Variants in STK32B observed in about 807,000 individuals in gnomAD.
STK32B encodes serine/threonine kinase 32B, also known as serine/threonine-protein kinase 32B.
A neutral mutation model predicts 52.6 loss-of-function variants in STK32B; 43 were observed. The observed-to-expected ratio is 0.82, with a 90% CI of 0.64 to 1.05. The LOEUF (loss-of-function observed/expected upper bound fraction) is 1.05, where lower values mean the gene tolerates loss of function less well. STK32B is among the 50% of genes least tolerant of loss of function. The pLI, the probability that STK32B is intolerant of heterozygous loss-of-function variation, is 0.00. For synonymous variants in STK32B, 238 were observed against 204.3 expected (o/e 1.17, Z -1.41); for missense variants, 621 against 534.6 (o/e 1.16, Z -1.59).
intron 4 of STK32B, among the ~76,000 whole-genome samples, chr4:5,334,034 G>A (rs1444799829): frequency 1.3e-5 from 2 of 152,136 alleles, no homozygotes; most frequent in African/African-American, 4.8e-5. Flanking sequence ...GTAGCTTGAT[G>A]GGGATGGCAT....
intron 3 of STK32B, among the ~76,000 whole-genome samples, chr4:5,271,562 G>T (rs1013282570): frequency 1.3e-5 from 2 of 148,626 alleles, no homozygotes; most frequent in Non-Finnish European, 2.9e-5. Context: ...TAGCTTGATG[G>T]GGATGGCATT....
At chr4:5,175,115 C>T (rs186698033) in intron 3 of STK32B, among the ~76,000 whole-genome samples, 181 of 152,314 alleles carry the variant, frequency 1.2e-3, no homozygotes, top group African/African-American at 3.6e-3. Context: ...CTTGTGCATT[C>T]GTCACGTAGT....
Position 5,500,100 on chromosome 4 carries a change from A to C in STK32B, c.*1017A>C, listed in dbSNP as rs768975425. On this transcript the variant is annotated 3_prime_UTR_variant, in exon 12 of 12. Transcript: ENST00000282908. Reference sequence around the variant, plus strand: ...AATGGGTTCACACAAAAAGCAAACTACATTCTGGTCTGCTCAGGGAGAAGC... The same window carrying C: ...AATGGGTTCACACAAAAAGCAAACTCCATTCTGGTCTGCTCAGGGAGAAGC... The C allele has an allele frequency of 2.0e-5, 3 of 152,192 alleles. No individual in the cohort carries two copies. The highest frequency in any genetic ancestry group is 6.5e-5 in the Admixed American group (1 of 15,274). 9.4% of individuals were successfully genotyped at this position (152,192 alleles called of 1,614,324 possible). A position where few individuals can be genotyped will look rare whatever the true frequency, so the allele number is the denominator to read the frequency against.
upstream of STK32B, among the ~76,000 whole-genome samples, chr4:5,048,516 C>T (rs1035296457): frequency 4.6e-5 from 7 of 152,104 alleles, no homozygotes; most frequent in African/African-American, 1.2e-4. Context: ...AAGCTGGTCT[C>T]GAACTCCTGA....
At chr4:5,126,999 A>G (rs17882862) in intron 1 of STK32B, 102,347 of 442,484 alleles carry the variant, frequency 0.23, 12,776 homozygotes, top group Non-Finnish European at 0.26. Context: ...CCTTTTGCAC[A>G]GATGACAGCA....
chr4:5,310,954 C>T (rs1194263511), intron 3 of STK32B, among the ~76,000 whole-genome samples: 2 of 152,170 alleles, frequency 1.3e-5, no homozygotes, highest in African/African-American at 4.8e-5. Context: ...GAAAATGTCA[C>T]ATATTCTCAC....
rs141474826 is a variant in STK32B, at chr4:5,332,583, T to C, written c.434+1190T>C. ...CATATGTATACATGTGCCATGCTGG[T>C]GTGCTGCACCCAATAACTCGTCATT... On this transcript the variant is annotated intron_variant, in intron 4 of 11. Coordinates refer to ENST00000282908, the MANE Select transcript of STK32B (RefSeq NM_018401.3). Among the ~76,000 whole-genome samples, 1,223 of 152,280 alleles carry C rather than the reference T, an allele frequency of 8.0e-3. 12 individuals carry two copies. The highest frequency in any genetic ancestry group is 0.028 in the African/African-American group (1,175 of 41,544).
chr4:5,217,951 T>C (rs955230735), intron 3 of STK32B, among the ~76,000 whole-genome samples: 2 of 152,238 alleles, frequency 1.3e-5, no homozygotes, highest in Non-Finnish European at 2.9e-5. Context: ...ATGAAAATTA[T>C]ACATAGAAGG....
At chr4:5,252,005 A>T (rs1319716652) in intron 3 of STK32B, among the ~76,000 whole-genome samples, 1 of 152,194 alleles carries the variant, frequency 6.6e-6, no homozygotes. Context: ...TTTAAGGATT[A>T]TGTTAAGAAG....
At chr4:5,382,430 C>A (rs912902183) in intron 4 of STK32B, among the ~76,000 whole-genome samples, 6 of 152,112 alleles carry the variant, frequency 3.9e-5, no homozygotes, top group African/African-American at 1.4e-4. Flanking sequence ...GCCACAATGT[C>A]GCCTTGGGGT....
chr4:5,497,646 G>T (rs1224729193), intron 11 of STK32B, among the ~76,000 whole-genome samples: 2 of 152,194 alleles, frequency 1.3e-5, no homozygotes, highest in Admixed American at 6.5e-5. Flanking sequence ...TGGTATTTCA[G>T]TGTTATCTGA....
At position 5,500,411 on chromosome 4, in the gene STK32B, T is replaced by G. The variant is rs1021036135; in HGVS notation, c.*1328T>G. The G allele has an allele frequency of 1.3e-5, 2 of 152,326 alleles. No individual in the cohort carries two copies. Among genetic ancestry groups the G allele is most frequent in the Middle Eastern group, 3.4e-3 (1 of 294 alleles). 9.4% of individuals were successfully genotyped at this position (152,326 alleles called of 1,614,324 possible). ...ATAATCGTCATCATTATTTAGATAC[T>G]TTCTTCCTTCACTCACCCAGCAGGT... On this transcript the variant is annotated 3_prime_UTR_variant, in exon 12 of 12. Coordinates refer to ENST00000282908, the MANE Select transcript of STK32B (RefSeq NM_018401.3).
chr4:5,364,360 G>A (rs562144309), intron 4 of STK32B, among the ~76,000 whole-genome samples: 1 of 152,334 alleles, frequency 6.6e-6, no homozygotes, highest in Non-Finnish European at 1.5e-5. Flanking sequence ...AGAGAGAAGG[G>A]GAAAGAGACA....
At chr4:5,127,062 A>G in intron 1 of STK32B, 1 of 500,298 alleles carries the variant, frequency 2.0e-6, no homozygotes, top group Non-Finnish European at 4.0e-6. Flanking sequence ...TGCCATGGAC[A>G]TTGGTGCTGC....
chr4:5,236,191 G>T (rs1453156321), intron 3 of STK32B, among the ~76,000 whole-genome samples: 1 of 152,088 alleles, frequency 6.6e-6, no homozygotes, highest in Non-Finnish European at 1.5e-5. Flanking sequence ...TGAGCTCCAT[G>T]TGTCTCCCAG....
intron 4 of STK32B, among the ~76,000 whole-genome samples, chr4:5,366,492 G>T (rs974443880): frequency 6.6e-6 from 1 of 152,222 alleles, no homozygotes; most frequent in Non-Finnish European, 1.5e-5. Flanking sequence ...GTTGCTGACA[G>T]TGGAGATGAG....
chr4:5,136,134 C>T (rs889228468), intron 1 of STK32B, among the ~76,000 whole-genome samples: 3 of 152,192 alleles, frequency 2.0e-5, no homozygotes, highest in African/African-American at 7.2e-5. Context: ...GATTATCATT[C>T]ATTGCCTGGG....
chr4:5,330,934 C>T (rs139083144), intron 3 of STK32B, among the ~76,000 whole-genome samples: 1 of 152,238 alleles, frequency 6.6e-6, no homozygotes, highest in African/African-American at 2.4e-5. Context: ...TGCTGGAGTC[C>T]AGTAGTAGTT....
At chr4:5,223,467 G>C (rs1457038943) in intron 3 of STK32B, among the ~76,000 whole-genome samples, 1 of 152,126 alleles carries the variant, frequency 6.6e-6, no homozygotes, top group Admixed American at 6.5e-5. Context: ...CAAAGCTATG[G>C]GGGTGGGGTC....
Sources: gnomAD v4.1 joint callset for allele counts (sites outside exome capture counted in the v4.1 genomes callset) on GRCh38, gnomAD v4.1.1 for gene constraint, MANE v1.5 for transcripts, NCBI Gene and HGNC (gene_info 2026-07-23, HGNC 2026-07-21) for gene names.